IGSF3: variants seen among roughly 807,000 people sequenced by gnomAD.
IGSF3 encodes the protein glu-Trp-Ile EWI motif-containing protein 3.
A neutral mutation model predicts 114.4 loss-of-function variants in IGSF3; 23 were observed. That is an observed-to-expected ratio of 0.20 (90% CI 0.14 to 0.28). The LOEUF is 0.28. Ranked by LOEUF, IGSF3 falls within the 10% of genes least tolerant of loss-of-function variation. The pLI is 1.00. For synonymous variants in IGSF3, 571 were observed against 645.2 expected (o/e 0.88, Z 1.74); for missense variants, 1,172 against 1,591.5 (o/e 0.74, Z 4.48).
Position 116,628,196 on chromosome 1 carries a change from G to C in IGSF3, c.44-11739C>G, listed in dbSNP as rs1465970500. Among the ~76,000 whole-genome samples the C allele has an allele frequency of 1.3e-5, 2 of 152,136 alleles. No homozygotes were observed. Among genetic ancestry groups the C allele is most frequent in the Non-Finnish European group, 2.9e-5 (2 of 68,026 alleles). ...GAGGATCACAGCACAGCTATGCCTT[G>C]CAAGGACCAGAACTGGAAAACCTTT... On this transcript the variant is annotated intron_variant, in intron 2 of 10. Transcript: ENST00000369486. The surrounding 1 kb of genome is among the most constrained non-coding windows in gnomAD (Gnocchi z 4.2).
rs1229981914 is a variant in IGSF3, at chr1:116,666,546, G to A, written c.-220C>T. 4.9e-6 allele frequency: 3 copies of A among 612,600 alleles called. No individual in the cohort carries two copies. Among genetic ancestry groups the A allele is most frequent in the South Asian group, 3.9e-5 (2 of 51,022 alleles). The allele number at this position is 612,600 out of a possible 1,614,324, so 37.9% of individuals were successfully genotyped here. A position where few individuals can be genotyped will look rare whatever the true frequency, so the allele number is the denominator to read the frequency against. On this transcript the variant is annotated 5_prime_UTR_variant, in exon 2 of 11. Coordinates refer to ENST00000369486, the MANE Select transcript of IGSF3 (RefSeq NM_001007237.3). ...TGAAAACTCCCCTATGCTACAGGAAGGGTCCACAACAATTCGGAAGTCGCT... is the reference window on the plus strand; with the variant it reads ...TGAAAACTCCCCTATGCTACAGGAAAGGTCCACAACAATTCGGAAGTCGCT...
In IGSF3 at chr1:116,651,662, A is replaced by T. The variant is rs2101070929; in HGVS notation, c.43+14622T>A. Among the ~76,000 whole-genome samples the T allele has an allele frequency of 6.6e-6, 1 of 152,276 alleles. No homozygotes were observed. The highest frequency in any genetic ancestry group is 2.1e-4 in the South Asian group (1 of 4,820). On this transcript the variant is annotated intron_variant, in intron 2 of 10. Coordinates refer to ENST00000369486, the MANE Select transcript of IGSF3 (RefSeq NM_001007237.3). This position sits in a 1 kb window ranked among gnomAD's most constrained non-coding sequence, Gnocchi z 4.4. ...AACTATGTGACATTATTGACATTCGACTGCTTCTGACCTATCAAAATGGCA... is the reference window on the plus strand; with the variant it reads ...AACTATGTGACATTATTGACATTCGTCTGCTTCTGACCTATCAAAATGGCA...
Position 116,584,718 on chromosome 1 carries a change from G to A in IGSF3, c.2775C>T (p.Pro925=), listed in dbSNP as rs772581092. 1.2e-6 allele frequency: 2 copies of A among 1,613,388 alleles called. No individual in the cohort carries two copies. Among genetic ancestry groups the A allele is most frequent in the Non-Finnish European group, 8.5e-7 (1 of 1,179,436 alleles). ...GCTTATACCACATGCCACTGGGGCT[G>A]GGCAGCCACTCCTCCACATGGCAGC... The part of the protein sequence containing the change: ...TYSCHVEEWL[P]SPSGMWYKRA... The change falls in exon 9 of 11, where the codon CCC becomes CCT. Residue 925 remains proline (P), a synonymous_variant. Transcript: ENST00000369486. This position sits in a 1 kb window ranked among gnomAD's most constrained non-coding sequence, Gnocchi z 5.8.
chr1:116,616,235 C>T lies in IGSF3; in HGVS notation c.266G>A (p.Arg89His), dbSNP rs796878969. 6.8e-6 allele frequency: 11 copies of T among 1,613,450 alleles called. No homozygotes were observed. The highest frequency in any genetic ancestry group is 2.2e-5 in the East Asian group (1 of 44,882). Residue 89 changes from arginine to histidine, a missense_variant, in exon 3 of 11, where the codon CGC becomes CAC. Coordinates refer to ENST00000369486, the MANE Select transcript of IGSF3 (RefSeq NM_001007237.3). The surrounding 1 kb of genome is among the most constrained non-coding windows in gnomAD (Gnocchi z 6.6). Reference sequence around the variant, plus strand: ...TCTTTCTATGAAGATCTTCCCTCCGCGGACGCGCTGGGTGTAGATGGCATA... The same window carrying T: ...TCTTTCTATGAAGATCTTCCCTCCGTGGACGCGCTGGGTGTAGATGGCATA... ...FPYAIYTQRVRGGKIFIERVQ... is the reference protein window; with the variant it reads ...FPYAIYTQRVHGGKIFIERVQ...
chr1:116,588,830 G>T lies in IGSF3; in HGVS notation c.2304C>A (p.Thr768=), dbSNP rs140652444. 2.2e-5 allele frequency: 35 copies of T among 1,614,196 alleles called. No individual in the cohort carries two copies. The highest frequency in any genetic ancestry group is 1.5e-4 in the Admixed American group (9 of 60,026). ...TGTCGCTGACCTCGGCTCTCTGGACGGTGAGGCTGAACAGGCCCCCCGACA... is the reference window on the plus strand; with the variant it reads ...TGTCGCTGACCTCGGCTCTCTGGACTGTGAGGCTGAACAGGCCCCCCGACA... ...RHVSGGLFSL[T]VQRAEVSDSG... Residue 768 remains threonine (T), a synonymous_variant, in exon 8 of 11, where the codon ACC becomes ACA. Coordinates refer to ENST00000369486, the MANE Select transcript of IGSF3 (RefSeq NM_001007237.3). This position sits in a 1 kb window ranked among gnomAD's most constrained non-coding sequence, Gnocchi z 4.9.
Position 116,583,089 on chromosome 1 carries a change from C to T in IGSF3, c.2848+1556G>A, listed in dbSNP as rs545601766. On this transcript the variant is annotated intron_variant, in intron 9 of 10. Coordinates refer to ENST00000369486, the MANE Select transcript of IGSF3 (RefSeq NM_001007237.3). This position sits in a 1 kb window ranked among gnomAD's most constrained non-coding sequence, Gnocchi z 4.5. Reference sequence around the variant, plus strand: ...TGCACCTGCTGGCTGGGTGGTGATTCGCTCCATGCTTTGGTCCCTCATGAG... The same window carrying T: ...TGCACCTGCTGGCTGGGTGGTGATTTGCTCCATGCTTTGGTCCCTCATGAG... Among the ~76,000 whole-genome samples the T allele has an allele frequency of 1.3e-5, 2 of 152,226 alleles. No homozygotes were observed. The highest frequency in any genetic ancestry group is 6.5e-5 in the Admixed American group (1 of 15,292).
intron 8 of IGSF3, among the ~76,000 whole-genome samples, chr1:116,586,231 C>T (rs891488486): frequency 6.6e-6 from 1 of 151,946 alleles, no homozygotes; most frequent in Non-Finnish European, 1.5e-5. Flanking sequence ...ATTAAAAAGT[C>T]AGAAAATATA....
In IGSF3 at chr1:116,616,305, C is replaced by T. The variant is rs1016612582; in HGVS notation, c.196G>A (p.Glu66Lys). The change falls in exon 3 of 11, where the codon GAG (glutamate) becomes AAG (lysine). Residue 66 changes from glutamate (E) to lysine (K), a missense_variant. Around this residue, in one of 3 missense-constraint regions of IGSF3, gnomAD observed 736 missense variants for 1,042.0 expected, o/e 0.71. Transcript: ENST00000369486. The surrounding 1 kb of genome is among the most constrained non-coding windows in gnomAD (Gnocchi z 6.6). ...QWSIYLPSSP[E>K]REVQIVSTMD... ...GTGCTGACGATCTGCACCTCTCGCT[C>T]TGGCGACGAAGGCAGGTAAATGGAC... The T allele has an allele frequency of 1.2e-6, 2 of 1,612,082 alleles. No individual in the cohort carries two copies. Among genetic ancestry groups the T allele is most frequent in the African/African-American group, 1.3e-5 (1 of 74,872 alleles).
chr1:116,605,691 T>C lies in IGSF3; in HGVS notation c.1223-1666A>G, dbSNP rs1660769931. 6.6e-6 allele frequency among the ~76,000 whole-genome samples: 1 copy of C among 152,212 alleles called. No individual in the cohort carries two copies. Among genetic ancestry groups the C allele is most frequent in the African/African-American group, 2.4e-5 (1 of 41,458 alleles). ...TTGAGAGGATCAGATGAGGTACTTATTTTTCATCATCATTAATAACAACAA... is the reference window on the plus strand; with the variant it reads ...TTGAGAGGATCAGATGAGGTACTTACTTTTCATCATCATTAATAACAACAA... On this transcript the variant is annotated intron_variant, in intron 5 of 10. Coordinates refer to ENST00000369486, the MANE Select transcript of IGSF3 (RefSeq NM_001007237.3). This position sits in a 1 kb window ranked among gnomAD's most constrained non-coding sequence, Gnocchi z 5.1.
intron 2 of IGSF3, among the ~76,000 whole-genome samples, chr1:116,658,015 C>T: frequency 6.6e-6 from 1 of 150,990 alleles, no homozygotes; most frequent in African/African-American, 2.4e-5. Flanking sequence ...TGTCTTTGCT[C>T]TGATTATGGT....
chr1:116,582,490 G>T lies in IGSF3; in HGVS notation c.2848+2155C>A, dbSNP rs1040064304. The stretch of plus-strand genomic sequence containing the variant: ...GGAGCCCTTCATTCCATGTATTTCA[G>T]ATTATTGTGAATGTCAACTCTCAGC... On this transcript the variant is annotated intron_variant, in intron 9 of 10. Transcript: ENST00000369486. This position sits in a 1 kb window ranked among gnomAD's most constrained non-coding sequence, Gnocchi z 4.7. Among the ~76,000 whole-genome samples the T allele has an allele frequency of 6.6e-6, 1 of 152,146 alleles. No homozygotes were observed. The highest frequency in any genetic ancestry group is 1.5e-5 in the Non-Finnish European group (1 of 68,034).
Position 116,616,546 on chromosome 1 carries a change from T to C in IGSF3, c.44-89A>G. 1.8e-6 allele frequency: 2 copies of C among 1,140,834 alleles called. No individual in the cohort carries two copies. The highest frequency in any genetic ancestry group is 2.4e-5 in the East Asian group (1 of 41,922). The allele number at this position is 1,140,834 out of a possible 1,614,324, so 70.7% of individuals were successfully genotyped here. A position where few individuals can be genotyped will look rare whatever the true frequency, so the allele number is the denominator to read the frequency against. On this transcript the variant is annotated intron_variant, in intron 2 of 10. Coordinates refer to ENST00000369486, the MANE Select transcript of IGSF3 (RefSeq NM_001007237.3). The surrounding 1 kb of genome is among the most constrained non-coding windows in gnomAD (Gnocchi z 6.6). Reference sequence around the variant, plus strand: ...CAGCAATCTCCAAAGGGTTTGTTATTTGTGTGACATGATAATAATATAAAC... The same window carrying C: ...CAGCAATCTCCAAAGGGTTTGTTATCTGTGTGACATGATAATAATATAAAC...
chr1:116,626,647 C>G (rs1467814764), intron 2 of IGSF3, among the ~76,000 whole-genome samples: 1 of 152,154 alleles, frequency 6.6e-6, no homozygotes, highest in Admixed American at 6.5e-5. Context: ...GGCTATTTCA[C>G]CCTATGCCAT....
Position 116,576,409 on chromosome 1 carries a change from C to G in IGSF3, c.*903G>C, listed in dbSNP as rs1192090312. On this transcript the variant is annotated 3_prime_UTR_variant, in exon 11 of 11. Coordinates refer to ENST00000369486, the MANE Select transcript of IGSF3 (RefSeq NM_001007237.3). This position sits in a 1 kb window ranked among gnomAD's most constrained non-coding sequence, Gnocchi z 4.6. ...CTTGCAGCTCAGAGCAAGCCAACAG[C>G]CAGCCTTTCTCCCTTCCTTCTCTAG... is the stretch of plus-strand genomic sequence containing the variant. 6.5e-6 allele frequency: 1 copy of G among 152,716 alleles called. No homozygotes were observed. The highest frequency in any genetic ancestry group is 1.5e-5 in the Non-Finnish European group (1 of 68,086). 9.5% of individuals were successfully genotyped at this position (152,716 alleles called of 1,614,324 possible). A position where few individuals can be genotyped will look rare whatever the true frequency, so the allele number is the denominator to read the frequency against.
rs549725367 is a variant in IGSF3 at position 116,633,979 on chromosome 1, A to AAAACC, written c.44-17527_44-17523dup. Among the ~76,000 whole-genome samples the AAAACC allele has an allele frequency of 8.3e-3, 1,270 of 152,350 alleles. 3 individuals carry two copies. Among genetic ancestry groups the AAAACC allele is most frequent in the Admixed American group, 0.012 (186 of 15,308 alleles). ...GAAGGGCCTCTATGCCATCGAGGCT[A>AAAACC]AAACCAAAGCAGGAGCAAATCAGCC... On this transcript the variant is annotated intron_variant, in intron 2 of 10. Transcript: ENST00000369486. The surrounding 1 kb of genome is among the most constrained non-coding windows in gnomAD (Gnocchi z 4.3).
In IGSF3 at chr1:116,608,304, G is replaced by A; in HGVS notation, c.860C>T (p.Thr287Ile). The change falls in exon 5 of 11, where the codon ACA becomes ATA. Residue 287 changes from threonine (T) to isoleucine (I), a missense_variant. Thr to Ile is a moderately conservative substitution (Grantham distance 89). This residue lies in a region of IGSF3 where 736 missense variants were observed against 1,042.0 expected (regional missense o/e 0.71). Transcript: ENST00000369486. Reference protein sequence around the residue: ...TDKEFTVRLETEKRLHTVGEP... With the variant: ...TDKEFTVRLEIEKRLHTVGEP... The stretch of plus-strand genomic sequence containing the variant: ...GCCCACCGTGTGCAGCCGCTTCTCT[G>A]TCTCCAGCCGAACAGTGAATTCTTT... 6.2e-7 allele frequency: 1 copy of A among 1,613,600 alleles called. No homozygotes were observed. Among genetic ancestry groups the A allele is most frequent in the Non-Finnish European group, 8.5e-7 (1 of 1,179,634 alleles).
At chr1:116,608,725 C>T (rs540617349) in intron 4 of IGSF3, among the ~76,000 whole-genome samples, 13 of 152,210 alleles carry the variant, frequency 8.5e-5, no homozygotes, top group African/African-American at 3.1e-4. Context: ...ATTTAAGCAA[C>T]AGCATTATAA....
intron 2 of IGSF3, among the ~76,000 whole-genome samples, chr1:116,622,560 C>T (rs1661458664): frequency 6.6e-6 from 1 of 151,812 alleles, no homozygotes; most frequent in South Asian, 2.1e-4. Context: ...GAGTGATTTT[C>T]TCCTCTCCTA....
chr1:116,664,807 T>G lies in IGSF3; in HGVS notation c.43+1477A>C, dbSNP rs1454347708. On this transcript the variant is annotated intron_variant, in intron 2 of 10. Transcript: ENST00000369486. This position sits in a 1 kb window ranked among gnomAD's most constrained non-coding sequence, Gnocchi z 4.6. ...CAGGGTGTCTGCATGCGTTGGGTGG[T>G]AGGGCACTGGCGCTAGTGAACTCAC... is the stretch of plus-strand genomic sequence containing the variant. Among the ~76,000 whole-genome samples the G allele has an allele frequency of 1.3e-5, 2 of 152,152 alleles. No individual in the cohort carries two copies. Among genetic ancestry groups the G allele is most frequent in the Non-Finnish European group, 1.5e-5 (1 of 68,024 alleles).
Sources: allele counts gnomAD v4.1 joint callset (sites outside exome capture counted in the v4.1 genomes callset), GRCh38; gene constraint gnomAD v4.1.1; regional missense constraint gnomAD v4.1.1; non-coding constraint Gnocchi (gnomAD v3.1); transcripts MANE v1.5; gene names NCBI Gene and HGNC (gene_info 2026-07-23, HGNC 2026-07-21).